SLC25A51: variants seen among roughly 807,000 people sequenced by gnomAD.
The protein encoded by SLC25A51 is mitochondrial nicotinamide adenine dinucleotide transporter SLC25A51.
In SLC25A51, 11 loss-of-function variants were observed where a neutral mutation model predicts 19.1. The ratio of observed to expected loss-of-function variants is 0.58; its 90% CI spans 0.36 to 0.96. The LOEUF is 0.96. Ranked by LOEUF, SLC25A51 falls within the 40% of genes least tolerant of loss-of-function variation. The pLI is 0.01. For synonymous variants in SLC25A51, 105 were observed against 133.6 expected (o/e 0.79, Z 1.47); for missense variants, 201 against 365.4 (o/e 0.55, Z 3.67).
intron 2 of SLC25A51, among the ~76,000 whole-genome samples, chr9:37,892,221 C>T (rs1831606699): frequency 1.3e-5 from 2 of 152,238 alleles, no homozygotes; most frequent in Admixed American, 6.5e-5. Context: ...AGGCCCCATA[C>T]AGCAGGAGGT....
downstream of SLC25A51, among the ~76,000 whole-genome samples, chr9:37,886,659 T>G (rs1204775963): frequency 1.3e-5 from 2 of 152,184 alleles, no homozygotes; most frequent in Non-Finnish European, 2.9e-5. Context: ...CTTGGGTCAG[T>G]GTGTTAACTG....
intron 1 of SLC25A51, 102 bp downstream of exon 1, chr9:37,903,966 C>T (rs1171258948): frequency 6.6e-6 from 1 of 152,508 alleles, no homozygotes; most frequent in East Asian, 1.9e-4. Flanking sequence ...GATGGGCCCC[C>T]AGGGCGGCAG....
chr9:37,879,243 G>A, downstream of SLC25A51: 1 of 272,460 alleles, frequency 3.7e-6, no homozygotes, highest in Non-Finnish European at 7.7e-6. Flanking sequence ...TGGGATCAGT[G>A]ATGTTTGGGA....
chr9:37,902,676 A>G (rs1293236678), intron 1 of SLC25A51, among the ~76,000 whole-genome samples: 1 of 152,188 alleles, frequency 6.6e-6, no homozygotes, highest in Non-Finnish European at 1.5e-5. Context: ...TGCAAAATTT[A>G]TTTACCATAA....
intron 2 of SLC25A51, among the ~76,000 whole-genome samples, chr9:37,892,214 C>A (rs527376208): frequency 4.7e-4 from 71 of 152,334 alleles, no homozygotes; most frequent in African/African-American, 1.4e-3. Flanking sequence ...GGTATCAAGG[C>A]CCCATACAGC....
At position 37,904,093 on chromosome 9, in the gene SLC25A51, C is replaced by A. The variant is rs1170331892; in HGVS notation, c.-190G>T. 1.3e-5 allele frequency: 2 copies of A among 152,360 alleles called. No individual in the cohort carries two copies. Among genetic ancestry groups the A allele is most frequent in the African/African-American group, 4.8e-5 (2 of 41,470 alleles). 9.4% of individuals were successfully genotyped at this position (152,360 alleles called of 1,614,324 possible). On this transcript the variant is annotated 5_prime_UTR_variant, in exon 1 of 3. Transcript: ENST00000242275. ...CCATCAGCGCCGGCGTCCCGCAGGACGGCTAGCGAGCCGGGGCCCGCGCAG... is the reference window on the plus strand; with the variant it reads ...CCATCAGCGCCGGCGTCCCGCAGGAAGGCTAGCGAGCCGGGGCCCGCGCAG...
At chr9:37,900,471 G>T (rs556074577) in intron 1 of SLC25A51, among the ~76,000 whole-genome samples, 105 of 152,002 alleles carry the variant, frequency 6.9e-4, no homozygotes, top group African/African-American at 2.3e-3. Flanking sequence ...AAAATGACAG[G>T]GTCTTGTTCT....
intron 1 of SLC25A51, among the ~76,000 whole-genome samples, chr9:37,900,752 T>C (rs922449389): frequency 2.0e-5 from 3 of 152,158 alleles, no homozygotes; most frequent in Non-Finnish European, 4.4e-5. Flanking sequence ...ACCTGTGTAC[T>C]TATGTTCCCT....
intron 1 of SLC25A51, among the ~76,000 whole-genome samples, chr9:37,901,402 A>T (rs538065415): frequency 1.8e-4 from 28 of 151,834 alleles, no homozygotes; most frequent in Non-Finnish European, 3.5e-4. Context: ...TCCTGAGCTC[A>T]AGTGATCCAG....
At chr9:37,890,029 A>ATATG (rs1831548256) in intron 2 of SLC25A51, among the ~76,000 whole-genome samples, 2 of 151,870 alleles carry the variant, frequency 1.3e-5, no homozygotes, top group South Asian at 2.1e-4. Context: ...ATATACACAC[A>ATATG]TATGTGTATG....
intron 1 of SLC25A51, among the ~76,000 whole-genome samples, chr9:37,902,926 T>TAGTCAGCAGGTCTG (rs1375764105): frequency 6.6e-6 from 1 of 152,232 alleles, no homozygotes; most frequent in Non-Finnish European, 1.5e-5. Context: ...GAATTTCCAC[T>TAGTCAGCAGGTCTG]AGTCAGCAGG....
chr9:37,882,468 A>G (rs1181420657), intron 2 of SLC25A51, among the ~76,000 whole-genome samples: 10 of 152,246 alleles, frequency 6.6e-5, no homozygotes, highest in African/African-American at 2.4e-4. Context: ...TCAGGTATCC[A>G]AAGGTAATTA....
intron 2 of SLC25A51, among the ~76,000 whole-genome samples, chr9:37,892,150 G>A (rs1831605681): frequency 6.6e-6 from 1 of 152,188 alleles, no homozygotes; most frequent in African/African-American, 2.4e-5. Flanking sequence ...CTATGTCAGG[G>A]GAGATAAGAC....
At chr9:37,888,828 C>G (rs1356105816) in intron 2 of SLC25A51, among the ~76,000 whole-genome samples, 1 of 152,168 alleles carries the variant, frequency 6.6e-6, no homozygotes, top group Non-Finnish European at 1.5e-5. Flanking sequence ...TTTGCATATA[C>G]TTTAATCAAA....
intron 2 of SLC25A51, among the ~76,000 whole-genome samples, chr9:37,899,592 T>C (rs1471709379): frequency 1.3e-5 from 2 of 152,154 alleles, no homozygotes; most frequent in Non-Finnish European, 2.9e-5. Context: ...CTGAAGCTCC[T>C]TGGCTCAAGC....
chr9:37,900,999 G>A (rs1331199158), intron 1 of SLC25A51, among the ~76,000 whole-genome samples: 2 of 151,488 alleles, frequency 1.3e-5, no homozygotes, highest in East Asian at 3.9e-4. Context: ...CTGAGTACCT[G>A]GGACCACAGG....
chr9:37,901,972 C>T (rs1831858229), intron 1 of SLC25A51, among the ~76,000 whole-genome samples: 1 of 152,210 alleles, frequency 6.6e-6, no homozygotes, highest in Non-Finnish European at 1.5e-5. Context: ...TGCACTTCTT[C>T]AGTTTCAGAA....
downstream of SLC25A51, among the ~76,000 whole-genome samples, chr9:37,884,990 TTA>T (rs1831417001): frequency 3.9e-5 from 6 of 152,344 alleles, no homozygotes; most frequent in South Asian, 1.2e-3. Context: ...CAATAGGTGC[TTA>T]GTTTCAAAAC....
chr9:37,894,562 G>A (rs149357734), intron 2 of SLC25A51, among the ~76,000 whole-genome samples: 450 of 152,236 alleles, frequency 3.0e-3, no homozygotes, highest in African/African-American at 0.01. Context: ...CTGGGCTCAA[G>A]TGATCTGTCC....
Sources: allele counts gnomAD v4.1 joint callset (sites outside exome capture counted in the v4.1 genomes callset), GRCh38; gene constraint gnomAD v4.1.1; transcripts MANE v1.5; gene names NCBI Gene and HGNC (gene_info 2026-07-23, HGNC 2026-07-21).